TRIO: variants seen among roughly 807,000 people sequenced by gnomAD.
The protein encoded by TRIO is trio Rho guanine nucleotide exchange factor.
A neutral mutation model predicts 351.9 loss-of-function variants in TRIO; 58 were observed. The ratio of observed to expected loss-of-function variants is 0.16; its 90% CI spans 0.13 to 0.21. The LOEUF (loss-of-function observed/expected upper bound fraction) is 0.21. TRIO is among the 10% of genes least tolerant of loss of function. The pLI is 1.00. For synonymous variants in TRIO, 1,758 were observed against 1,595.7 expected (o/e 1.10, Z -2.42); for missense variants, 3,201 against 4,027.8 (o/e 0.79, Z 5.56).
At chr5:14,490,218 G>T (rs1313829257) in intron 48 of TRIO, among the ~76,000 whole-genome samples, 1 of 152,230 alleles carries the variant, frequency 6.6e-6, no homozygotes, top group African/African-American at 2.4e-5. Context: ...GGCAGTGGTT[G>T]CAGTGAGCCG....
chr5:14,455,578 GAC>G (rs1753225203), intron 34 of TRIO, among the ~76,000 whole-genome samples: 1 of 151,426 alleles, frequency 6.6e-6, no homozygotes, highest in South Asian at 2.1e-4. Flanking sequence ...AGATTAGCTA[GAC>G]ACAGAGTGCT....
At chr5:14,166,303 A>G (rs1788760738) in intron 1 of TRIO, among the ~76,000 whole-genome samples, 1 of 152,132 alleles carries the variant, frequency 6.6e-6, no homozygotes, top group African/African-American at 2.4e-5. Context: ...TCGTCCCGTC[A>G]CTTAGTGGGG....
intron 1 of TRIO, among the ~76,000 whole-genome samples, chr5:14,263,439 A>C (rs1561266647): frequency 1.3e-5 from 2 of 152,156 alleles, no homozygotes; most frequent in South Asian, 4.1e-4. Context: ...TTTACAGAAT[A>C]TGATTTTCTT....
chr5:14,332,835 A>G (rs546232862), intron 10 of TRIO, among the ~76,000 whole-genome samples: 3 of 152,316 alleles, frequency 2.0e-5, no homozygotes, highest in Admixed American at 6.5e-5. Flanking sequence ...ATGAGAATAC[A>G]TGTAGAAATG....
At chr5:14,409,920 C>G (rs889954704) in intron 33 of TRIO, among the ~76,000 whole-genome samples, 1 of 151,858 alleles carries the variant, frequency 6.6e-6, no homozygotes, top group South Asian at 2.1e-4. Flanking sequence ...CTGGGAGGCT[C>G]TTTCTTACTG....
Position 14,342,333 on chromosome 5 carries a change from C to A in TRIO, c.2046+5606C>A, listed in dbSNP as rs188968076. On this transcript the variant is annotated intron_variant, in intron 11 of 56. Coordinates refer to ENST00000344204, the MANE Select transcript of TRIO (RefSeq NM_007118.4). ...GGGCCCAGATTTCTTTTCCTTCTTT[C>A]CCTTGCAGAGCTGGAGACTGCATCG... Among the ~76,000 whole-genome samples, 342 of 152,324 alleles carry A rather than the reference C, an allele frequency of 2.2e-3. 3 individuals are homozygous for A. The highest frequency in any genetic ancestry group is 7.9e-3 in the African/African-American group (327 of 41,572).
intron 1 of TRIO, among the ~76,000 whole-genome samples, chr5:14,210,133 C>T (rs1485418228): frequency 6.6e-6 from 1 of 152,150 alleles, no homozygotes; most frequent in Non-Finnish European, 1.5e-5. Context: ...GATGGAGGAG[C>T]GGTCGGCCCC....
chr5:14,364,816 G>T lies in TRIO; in HGVS notation c.2754G>T (p.Gln918His). ...QLRHLQAEVK[Q>H]VLGWIRNGES... is the part of the protein sequence containing the mutation. ...GCCACCTGCAGGCAGAAGTGAAACAGGTGAGCAAACGACTGGATGCTTGGG... is the reference window on the plus strand; with the variant it reads ...GCCACCTGCAGGCAGAAGTGAAACATGTGAGCAAACGACTGGATGCTTGGG... The change falls in exon 15 of 57, where the codon CAG (glutamine) becomes CAT (histidine). Residue 918 changes from glutamine to histidine, a missense_variant and splice_region_variant. Gln to His is a conservative substitution (Grantham distance 24). This residue lies in a region of TRIO where 363 missense variants were observed against 553.5 expected (regional missense o/e 0.66). Coordinates refer to ENST00000344204, the MANE Select transcript of TRIO (RefSeq NM_007118.4). The T allele has an allele frequency of 6.2e-7, 1 of 1,608,172 alleles. No homozygotes were observed. Among genetic ancestry groups the T allele is most frequent in the South Asian group, 1.1e-5 (1 of 90,496 alleles).
At chr5:14,292,875 C>T (rs1409950675) in intron 5 of TRIO, 137 bp from the exon 6 acceptor site, 2 of 1,257,164 alleles carry the variant, frequency 1.6e-6, no homozygotes, top group Non-Finnish European at 2.2e-6. Flanking sequence ...AGTAAAGACT[C>T]TTCTGAGAGA....
At chr5:14,507,068 A>G in intron 55 of TRIO, 54 bp from the exon 56 acceptor site, 2 of 1,523,060 alleles carry the variant, frequency 1.3e-6, no homozygotes, top group Non-Finnish European at 1.8e-6. Context: ...ACTAGCCCAA[A>G]GAGGTCTTCA....
chr5:14,274,131 C>T (rs141380474), intron 2 of TRIO, among the ~76,000 whole-genome samples: 2 of 152,246 alleles, frequency 1.3e-5, no homozygotes, highest in African/African-American at 2.4e-5. Context: ...CCAAAAAACC[C>T]GATAGGTATT....
intron 37 of TRIO, among the ~76,000 whole-genome samples, chr5:14,469,706 C>T (rs533368555): frequency 6.6e-6 from 1 of 152,364 alleles, no homozygotes; most frequent in East Asian, 1.9e-4. Context: ...AGGGTGTGTG[C>T]ACCCTCTCGG....
intron 1 of TRIO, among the ~76,000 whole-genome samples, chr5:14,146,069 A>G (rs921129408): frequency 6.6e-6 from 1 of 152,178 alleles, no homozygotes; most frequent in Non-Finnish European, 1.5e-5. Context: ...ACGTCTTTTT[A>G]AAAGTGAAAT....
At chr5:14,193,237 A>C (rs1030088642) in intron 1 of TRIO, among the ~76,000 whole-genome samples, 1 of 152,244 alleles carries the variant, frequency 6.6e-6, no homozygotes, top group Non-Finnish European at 1.5e-5. Context: ...TTCACTATAA[A>C]TAAGTAAATC....
chr5:14,185,145 G>A (rs182392089), intron 1 of TRIO, among the ~76,000 whole-genome samples: 8 of 119,124 alleles, frequency 6.7e-5, no homozygotes, highest in African/African-American at 2.7e-4. Flanking sequence ...CATAAAATTC[G>A]CCCCCCTTCC....
At chr5:14,207,282 CACACACACAGCCAGG>C (rs1791523315) in intron 1 of TRIO, among the ~76,000 whole-genome samples, 4 of 51,794 alleles carry the variant, frequency 7.7e-5, no homozygotes, top group African/African-American at 2.8e-4. Context: ...CACACACACA[CACACACACAGCCAGG>C]TAGCATAGCA....
At chr5:14,170,374 T>A (rs1256490183) in intron 1 of TRIO, among the ~76,000 whole-genome samples, 1 of 152,204 alleles carries the variant, frequency 6.6e-6, no homozygotes, top group African/African-American at 2.4e-5. Flanking sequence ...CTTTTGGTAA[T>A]CTTTAGTTGC....
intron 8 of TRIO, among the ~76,000 whole-genome samples, chr5:14,314,348 A>G (rs553635371): frequency 2.6e-4 from 40 of 152,356 alleles, no homozygotes; most frequent in Non-Finnish European, 4.6e-4. Flanking sequence ...AAATACATCT[A>G]TTGTAGGTGA....
Position 14,387,988 on chromosome 5 carries a change from G to T in TRIO, c.3881+141G>T, listed in dbSNP as rs878984006. 6.3e-6 allele frequency: 5 copies of T among 790,470 alleles called. No individual in the cohort carries two copies. In the South Asian group the frequency reaches 7.2e-5, roughly 11 times the overall value. The allele number at this position is 790,470 out of a possible 1,614,324, so 49.0% of individuals were successfully genotyped here. Reference sequence around the variant, plus strand: ...GCTCTGGGTGGACTTAGTTGTGTCAGCACAGACTTCGCTGCGTTCACTGTC... The same window carrying T: ...GCTCTGGGTGGACTTAGTTGTGTCATCACAGACTTCGCTGCGTTCACTGTC... On this transcript the variant is annotated intron_variant, in intron 23 of 56. Transcript: ENST00000344204.
Sources: allele counts gnomAD v4.1 joint callset (sites outside exome capture counted in the v4.1 genomes callset), GRCh38; gene constraint gnomAD v4.1.1; regional missense constraint gnomAD v4.1.1; transcripts MANE v1.5; gene names NCBI Gene and HGNC (gene_info 2026-07-23, HGNC 2026-07-21).